The following MAPKBP1 variants were observed in gnomAD, a reference collection of about 807,000 sequenced individuals.
MAPKBP1 encodes the protein mitogen-activated protein kinase-binding protein 1.
A neutral mutation model predicts 170.5 loss-of-function variants in MAPKBP1; 71 were observed. The observed-to-expected ratio is 0.42, with a 90% CI of 0.34 to 0.51. MAPKBP1 has a LOEUF of 0.51. MAPKBP1 is among the 20% of genes least tolerant of loss of function. The pLI is 0.06. For synonymous variants in MAPKBP1, 719 were observed against 757.9 expected (o/e 0.95, Z 0.84); for missense variants, 1,598 against 1,933.0 (o/e 0.83, Z 3.25).
intron 30 of MAPKBP1, 110 bp downstream of exon 30, chr15:41,824,679 C>A: frequency 9.1e-7 from 1 of 1,094,112 alleles, no homozygotes; most frequent in Non-Finnish European, 1.3e-6. Context: ...GACAGGATGG[C>A]ACACTCAAGA....
At chr15:41,808,109 T>TTC (rs2064733999) in intron 3 of MAPKBP1, among the ~76,000 whole-genome samples, 1 of 140,410 alleles carries the variant, frequency 7.1e-6, no homozygotes, top group African/African-American at 2.7e-5. Flanking sequence ...TTCTTTCTTT[T>TTC]TTTTTTTTTT....
At position 41,824,528 on chromosome 15, in the gene MAPKBP1, C is replaced by A; in HGVS notation, c.4258C>A (p.Leu1420Ile). The change falls in exon 30 of 31, where the codon CTC becomes ATC. Residue 1420 changes from leucine (L) to isoleucine (I), a missense_variant. Leu to Ile is a conservative substitution (Grantham distance 5). Transcript: ENST00000457542. ...GCAGTGTGAGCAGCTGGTGGCAGAG[C>A]TCCGCGGCAGCGTGCGCCAGGCAGT... ...LEQCEQLVAE[L>I]RGSVRQAVRL... 1 of 1,603,504 alleles carries A rather than the reference C, an allele frequency of 6.2e-7. No individual in the cohort carries two copies.
intron 3 of MAPKBP1, among the ~76,000 whole-genome samples, chr15:41,809,854 A>T (rs1346051220): frequency 6.6e-6 from 1 of 152,244 alleles, no homozygotes; most frequent in Admixed American, 6.5e-5. Flanking sequence ...TGAGGCAGGC[A>T]GAGTCCCTGA....
intron 21 of MAPKBP1, 73 bp downstream of exon 21, chr15:41,819,452 T>C: frequency 6.3e-7 from 1 of 1,587,028 alleles, no homozygotes; most frequent in Non-Finnish European, 8.6e-7. Flanking sequence ...TTTCTGAGAC[T>C]GTGGGGTGAG....
At position 41,819,260 on chromosome 15, in the gene MAPKBP1, C is replaced by G. The variant is rs765258650; in HGVS notation, c.2306C>G (p.Ser769Ter). 6.2e-7 allele frequency: 1 copy of G among 1,614,132 alleles called. No homozygotes were observed. The highest frequency in any genetic ancestry group is 1.7e-5 in the Admixed American group (1 of 60,020). The change falls in exon 21 of 31, where the codon TCA becomes TGA. Residue 769 changes from serine (S) to a stop codon, truncating the protein, a stop_gained. Coordinates refer to ENST00000457542, the MANE Select transcript of MAPKBP1 (RefSeq NM_014994.3). LOFTEE classifies it high-confidence loss of function. ...CTCGGACTCAGGCACCAGGCCCCAT[C>G]AATGCTGTCTCCTGGACCGGCTCTC... ...ASGPNRHQAP[S>*]MLSPGPALSS...
Position 41,817,606 on chromosome 15 carries a change from C to T in MAPKBP1, c.1783-8C>T. The T allele has an allele frequency of 3.1e-6, 5 of 1,614,136 alleles. No individual in the cohort carries two copies. The highest frequency in any genetic ancestry group is 3.4e-6 in the Non-Finnish European group (4 of 1,180,012). ...GTGTGGGCCTGCCCACATGCTCCAC[C>T]CCTGCAGTCTGGAGATGGAGTGCAG... On this transcript the variant is annotated splice_region_variant and splice_polypyrimidine_tract_variant and intron_variant, in intron 15 of 30. Coordinates refer to ENST00000457542, the MANE Select transcript of MAPKBP1 (RefSeq NM_014994.3). This position sits in a 1 kb window ranked among gnomAD's most constrained non-coding sequence, Gnocchi z 4.2.
Position 41,821,770 on chromosome 15 carries a change from C to T in MAPKBP1, c.2885+20C>T, listed in dbSNP as rs2049644746. The T allele has an allele frequency of 1.2e-6, 2 of 1,612,358 alleles. No homozygotes were observed. The highest frequency in any genetic ancestry group is 1.7e-6 in the Non-Finnish European group (2 of 1,179,650). On this transcript the variant is annotated intron_variant, in intron 24 of 30. Coordinates refer to ENST00000457542, the MANE Select transcript of MAPKBP1 (RefSeq NM_014994.3). ...TACCAGGCAAGGATCCTGCCCTAGC[C>T]AGACCCCGTGCCCCCGTCTTCCCCT...
intron 2 of MAPKBP1, among the ~76,000 whole-genome samples, chr15:41,793,926 AC>A (rs1341757161): frequency 1.3e-5 from 2 of 152,294 alleles, no homozygotes; most frequent in African/African-American, 4.8e-5. Flanking sequence ...GACATGAGAA[AC>A]TTAAATACAA....
At chr15:41,815,558 T>G in intron 11 of MAPKBP1, 66 bp from the exon 12 acceptor site, 7 of 1,566,180 alleles carry the variant, frequency 4.5e-6, no homozygotes, top group Non-Finnish European at 6.1e-6. Context: ...TTGCTCAGCT[T>G]TCTTGCCCCT....
At chr15:41,814,045 C>T (rs970993662) in intron 9 of MAPKBP1, among the ~76,000 whole-genome samples, 2 of 152,126 alleles carry the variant, frequency 1.3e-5, no homozygotes, top group African/African-American at 2.4e-5. Context: ...TTTTAGGAAT[C>T]GTTCAAGGGA....
At chr15:41,816,451 A>G (rs2152080716) in intron 12 of MAPKBP1, 108 bp from the exon 13 acceptor site, 3 of 727,816 alleles carry the variant, frequency 4.1e-6, no homozygotes, top group East Asian at 5.4e-5. Context: ...CTCTAAGCCT[A>G]AAAGTTCAAA....
At chr15:41,787,498 AC>A (rs1413003913) in intron 2 of MAPKBP1, among the ~76,000 whole-genome samples, 6 of 151,728 alleles carry the variant, frequency 4.0e-5, no homozygotes, top group Non-Finnish European at 7.4e-5. Context: ...CTCCCGAGTA[AC>A]TGGGACTACA....
intron 2 of MAPKBP1, among the ~76,000 whole-genome samples, chr15:41,788,587 G>A (rs2064341018): frequency 6.6e-6 from 1 of 152,200 alleles, no homozygotes; most frequent in African/African-American, 2.4e-5. Context: ...GGAAAGGTAG[G>A]ATTTCAGTAT....
rs371924542 is a variant in MAPKBP1 at position 41,823,491 on chromosome 15, C to A, written c.3643C>A (p.Leu1215Met). 1.3e-5 allele frequency: 21 copies of A among 1,613,948 alleles called. No individual in the cohort carries two copies. Among genetic ancestry groups the A allele is most frequent in the Admixed American group, 8.3e-5 (5 of 59,992 alleles). Reference sequence around the variant, plus strand: ...GCAGGCCCCTTCACCAGGCGCACTGCTGTCTCGGGAGATCGAAGCTCAGGA... The same window carrying A: ...GCAGGCCCCTTCACCAGGCGCACTGATGTCTCGGGAGATCGAAGCTCAGGA... ...SLQAPSPGAL[L>M]SREIEAQDGL... Residue 1215 changes from leucine (L) to methionine (M), a missense_variant, in exon 29 of 31, where the codon CTG becomes ATG. Physicochemically the swap from Leu to Met is conservative, Grantham distance 15. Transcript: ENST00000457542.
In MAPKBP1 at chr15:41,822,359, A is replaced by G; in HGVS notation, c.3166A>G (p.Thr1056Ala). The part of the protein sequence containing the change: ...PYGLQEGSPQ[T>A]PDQEQFLKQH... ...TGGGCTACAGGAGGGCAGCCCCCAGACTCCAGACCAGGAGCAGTTTCTAAA... is the reference window on the plus strand; with the variant it reads ...TGGGCTACAGGAGGGCAGCCCCCAGGCTCCAGACCAGGAGCAGTTTCTAAA... The change falls in exon 26 of 31, where the codon ACT (threonine) becomes GCT (alanine). Residue 1056 changes from threonine to alanine, a missense_variant. This residue lies in a region of MAPKBP1 where 942 missense variants were observed against 953.2 expected (regional missense o/e 0.99). Transcript: ENST00000457542. The G allele has an allele frequency of 6.2e-7, 1 of 1,613,898 alleles. No individual in the cohort carries two copies. Among genetic ancestry groups the G allele is most frequent in the African/African-American group, 1.3e-5 (1 of 74,940 alleles).
rs2064080036 is a variant in MAPKBP1 at position 41,775,375 on chromosome 15, G to A, written c.100G>A (p.Asp34Asn). 1.2e-6 allele frequency: 2 copies of A among 1,613,972 alleles called. No individual in the cohort carries two copies. The highest frequency in any genetic ancestry group is 1.7e-6 in the Non-Finnish European group (2 of 1,179,856). ...RRSKAGNRRE[D>N]LSSKVTLEKV... The stretch of plus-strand genomic sequence containing the variant: ...GAGTAAGGCAGGAAACCGACGAGAG[G>A]ACCTCAGCTCCAAGGTGAGTCCTGT... The change falls in exon 2 of 31, where the codon GAC (aspartate) becomes AAC (asparagine). Residue 34 changes from aspartate (D) to asparagine (N), a missense_variant. Asp to Asn is a conservative substitution (Grantham distance 23, BLOSUM62 1). Coordinates refer to ENST00000457542, the MANE Select transcript of MAPKBP1 (RefSeq NM_014994.3).
intron 20 of MAPKBP1, 122 bp from the exon 21 acceptor site, chr15:41,819,121 TCTC>T: frequency 7.0e-7 from 1 of 1,430,980 alleles, no homozygotes; most frequent in South Asian, 1.3e-5. Flanking sequence ...CCCTGTTGAG[TCTC>T]CTCTCCCCCT....
At position 41,823,871 on chromosome 15, in the gene MAPKBP1, G is replaced by C. The variant is rs189343820; in HGVS notation, c.4023G>C (p.Leu1341Phe). Reference sequence around the variant, plus strand: ...GTACAACTGAGAGATGGGCCTGTTTGGGGGAGGGCACCACTCCCAAGCCTA... The same window carrying C: ...GTACAACTGAGAGATGGGCCTGTTTCGGGGAGGGCACCACTCCCAAGCCTA... ...AHSTTERWAC[L>F]GEGTTPKPRT... Residue 1341 changes from leucine (L) to phenylalanine (F), a missense_variant, in exon 29 of 31, where the codon TTG becomes TTC. This residue lies in a region of MAPKBP1 where 942 missense variants were observed against 953.2 expected (regional missense o/e 0.99). Transcript: ENST00000457542. The C allele has an allele frequency of 4.2e-4, 673 of 1,614,162 alleles. 4 individuals carry two copies. The highest frequency in any genetic ancestry group is 4.6e-5 in the Non-Finnish European group (54 of 1,180,018).
chr15:41,780,391 G>T (rs2152067013), intron 2 of MAPKBP1, among the ~76,000 whole-genome samples: 1 of 152,264 alleles, frequency 6.6e-6, no homozygotes, highest in South Asian at 2.1e-4. Context: ...CTGACCCTTT[G>T]TTTGGAGAAA....
Sources: allele counts gnomAD v4.1 joint callset (sites outside exome capture counted in the v4.1 genomes callset), GRCh38; gene constraint gnomAD v4.1.1; regional missense constraint gnomAD v4.1.1; non-coding constraint Gnocchi (gnomAD v3.1); transcripts MANE v1.5; gene names NCBI Gene and HGNC (gene_info 2026-07-23, HGNC 2026-07-21).